CROCC2: variants seen among roughly 807,000 people sequenced by gnomAD.
CROCC2 encodes the protein ciliary rootlet coiled-coil protein 2.
In CROCC2, 163 loss-of-function variants were observed where a neutral mutation model predicts 177.6. The ratio of observed to expected loss-of-function variants is 0.92; its 90% CI spans 0.81 to 1.05. The LOEUF (loss-of-function observed/expected upper bound fraction) is 1.05, where lower values mean the gene tolerates loss of function less well. Among genes scored for constraint, CROCC2 ranks in the 50% least tolerant of loss-of-function variants. The probability of loss-of-function intolerance (pLI) is 0.00; values close to 1 mark genes in which losing one functional copy is unlikely to be tolerated. For missense variants in CROCC2, 1,929 were observed against 1,797.8 expected, an observed-to-expected ratio of 1.07 and a Z score of -1.32; for synonymous variants, 904 against 787.3, an observed-to-expected ratio of 1.15 and a Z score of -2.48.
intron 15 of CROCC2, among the ~76,000 whole-genome samples, chr2:240,947,492 G>A (rs1328675402): frequency 6.6e-6 from 1 of 152,240 alleles, no homozygotes; most frequent in Non-Finnish European, 1.5e-5. Flanking sequence ...AGGGCATCCT[G>A]ATGGCCCATT....
chr2:240,907,056 T>C (rs1170405367), intron 1 of CROCC2, among the ~76,000 whole-genome samples: 1 of 151,996 alleles, frequency 6.6e-6, no homozygotes. Context: ...GGCTGCGCAC[T>C]GGGGTGGGGA....
chr2:240,914,273 C>A (rs953313124), intron 1 of CROCC2, among the ~76,000 whole-genome samples: 1 of 152,212 alleles, frequency 6.6e-6, no homozygotes, highest in African/African-American at 2.4e-5. Flanking sequence ...TTGAGCAAGT[C>A]TCAGAGGTGC....
intron 3 of CROCC2, among the ~76,000 whole-genome samples, chr2:240,921,054 A>G (rs982714078): frequency 1.3e-5 from 2 of 152,210 alleles, no homozygotes; most frequent in African/African-American, 2.4e-5. Context: ...GTGATCACCC[A>G]GGCCACACCA....
At chr2:240,907,304 C>T (rs4366902) in intron 1 of CROCC2, among the ~76,000 whole-genome samples, 60,430 of 151,902 alleles carry the variant, frequency 0.4, 12,883 homozygotes, top group Admixed American at 0.47. Flanking sequence ...TCTCCCCTTG[C>T]CTCCCTACTT....
intron 1 of CROCC2, among the ~76,000 whole-genome samples, chr2:240,916,720 G>T (rs905264737): frequency 6.6e-6 from 1 of 152,214 alleles, no homozygotes; most frequent in Non-Finnish European, 1.5e-5. Context: ...TCCCGTTAGC[G>T]GGTGGCGCCG....
intron 5 of CROCC2, among the ~76,000 whole-genome samples, chr2:240,927,431 T>C (rs2059401951): frequency 6.6e-6 from 1 of 152,192 alleles, no homozygotes; most frequent in Non-Finnish European, 1.5e-5. Context: ...TCTTACGCTG[T>C]CTCCCAGGCA....
chr2:240,916,844 G>T (rs1043912249), intron 1 of CROCC2, among the ~76,000 whole-genome samples: 2 of 152,140 alleles, frequency 1.3e-5, no homozygotes, highest in African/African-American at 4.8e-5. Context: ...TGATCAAGGA[G>T]CCTGGGGTGC....
Position 240,968,282 on chromosome 2 carries a change from G to T in CROCC2, c.4401+20G>T. On this transcript the variant is annotated intron_variant, in intron 27 of 31. Transcript: ENST00000690015. ...CTGCAGGTGGGGCAGGCGGCAGGGT[G>T]GGTCCCAGGTGGGGCACAAGAACAA... is the stretch of plus-strand genomic sequence containing the variant. The T allele has an allele frequency of 6.6e-7, 1 of 1,519,870 alleles. No individual in the cohort carries two copies. Among genetic ancestry groups the T allele is most frequent in the South Asian group, 1.2e-5 (1 of 81,672 alleles). The allele number at this position is 1,519,870 out of a possible 1,614,324, so 94.1% of individuals were successfully genotyped here.
chr2:240,967,588 GGGGGC>G, intron 26 of CROCC2, 123 bp downstream of exon 26: 1 of 1,487,838 alleles, frequency 6.7e-7, no homozygotes, highest in Non-Finnish European at 9.0e-7. Flanking sequence ...AAGGGAGCCT[GGGGGC>G]AACACCCAAA....
intron 6 of CROCC2, 131 bp from the exon 7 acceptor site, chr2:240,930,800 A>G (rs764318219): frequency 5.0e-6 from 3 of 594,694 alleles, no homozygotes; most frequent in Admixed American, 2.9e-5. Context: ...CATGGGAACA[A>G]TCAATGCCAT....
Position 240,949,127 on chromosome 2 carries a change from C to A in CROCC2, c.2482+30C>A, listed in dbSNP as rs2059539137. On this transcript the variant is annotated intron_variant, in intron 16 of 31. Transcript: ENST00000690015. This position sits in a 1 kb window ranked among gnomAD's most constrained non-coding sequence, Gnocchi z 4.5. ...TCCAAGGGCGCTCCCTCAGCTCCTT[C>A]CCCGAAAGTCAGCCATGGAGGGGCC... 6.7e-7 allele frequency: 1 copy of A among 1,496,508 alleles called. No homozygotes were observed. Among genetic ancestry groups the A allele is most frequent in the South Asian group, 1.3e-5 (1 of 74,364 alleles). 92.7% of individuals were successfully genotyped at this position (1,496,508 alleles called of 1,614,324 possible).
intron 14 of CROCC2, among the ~76,000 whole-genome samples, chr2:240,936,276 G>A (rs1457875061): frequency 3.3e-5 from 5 of 152,154 alleles, no homozygotes; most frequent in Admixed American, 6.5e-5. Context: ...GCCGCCACCA[G>A]GATCAAGACA....
At position 240,960,226 on chromosome 2, in the gene CROCC2, C is replaced by G. The variant is rs550791392; in HGVS notation, c.3087+782C>G. Reference sequence around the variant, plus strand: ...CTAGACAAGCTGGGCTCTGCCCACACAGCAGGAGGCGCGGACTTCACTGGG... The same window carrying G: ...CTAGACAAGCTGGGCTCTGCCCACAGAGCAGGAGGCGCGGACTTCACTGGG... On this transcript the variant is annotated intron_variant, in intron 20 of 31. Transcript: ENST00000690015. This position sits in a 1 kb window ranked among gnomAD's most constrained non-coding sequence, Gnocchi z 5.0. 2.0e-5 allele frequency among the ~76,000 whole-genome samples: 3 copies of G among 152,368 alleles called. No homozygotes were observed. The East Asian group carries it at 5.8e-4, about 29-fold the overall frequency.
Position 240,917,417 on chromosome 2 carries a change from G to T in CROCC2, c.79-1309G>T, listed in dbSNP as rs1212375167. 6.6e-6 allele frequency among the ~76,000 whole-genome samples: 1 copy of T among 152,154 alleles called. No individual in the cohort carries two copies. The highest frequency in any genetic ancestry group is 1.9e-4 in the East Asian group (1 of 5,188). On this transcript the variant is annotated intron_variant, in intron 1 of 31. Transcript: ENST00000690015. The surrounding 1 kb of genome is among the most constrained non-coding windows in gnomAD (Gnocchi z 4.9). ...GCCTGGCTGGGGTTGGGAGGAGGGTGGGGGAGCAGGGCACAGCCACCAGCC... is the reference window on the plus strand; with the variant it reads ...GCCTGGCTGGGGTTGGGAGGAGGGTTGGGGAGCAGGGCACAGCCACCAGCC...
At chr2:240,936,721 C>A (rs1278124442) in intron 14 of CROCC2, among the ~76,000 whole-genome samples, 9 of 152,218 alleles carry the variant, frequency 5.9e-5, no homozygotes, top group Admixed American at 5.9e-4. Flanking sequence ...GATGTGAATT[C>A]TCTGCCTGAA....
At chr2:240,961,360 G>A (rs1223058810) in intron 20 of CROCC2, among the ~76,000 whole-genome samples, 3 of 148,842 alleles carry the variant, frequency 2.0e-5, no homozygotes, top group Non-Finnish European at 4.5e-5. Flanking sequence ...CACTCACGCT[G>A]GAATCACATA....
rs1469516789 is a variant in CROCC2, at chr2:240,915,050, C to T, written c.79-3676C>T. On this transcript the variant is annotated intron_variant, in intron 1 of 31. Coordinates refer to ENST00000690015, the MANE Select transcript of CROCC2 (RefSeq NM_001351305.2). ...CCTGCGCCCTCCCTGCAGGCGGAAG[C>T]CTTTTGCAGGCAGTATGGGCTGGCA... is the stretch of plus-strand genomic sequence containing the variant. 5.9e-5 allele frequency among the ~76,000 whole-genome samples: 9 copies of T among 152,300 alleles called. No homozygotes were observed. The East Asian group carries it at 1.7e-3, about 30-fold the overall frequency.
chr2:240,946,026 T>C, intron 14 of CROCC2, 34 bp from the exon 15 acceptor site: 4 of 1,452,716 alleles, frequency 2.8e-6, no homozygotes, highest in Non-Finnish European at 3.7e-6. Flanking sequence ...TTACTCTCTT[T>C]CTCTGCCGAC....
intron 15 of CROCC2, 140 bp downstream of exon 15, chr2:240,946,393 G>A (rs1029426207): frequency 2.2e-6 from 2 of 895,220 alleles, no homozygotes; most frequent in African/African-American, 1.7e-5. Context: ...GGCTGTGAGT[G>A]GAGGCGAGCA....
Sources: allele counts gnomAD v4.1 joint callset (sites outside exome capture counted in the v4.1 genomes callset), GRCh38; gene constraint gnomAD v4.1.1; non-coding constraint Gnocchi (gnomAD v3.1); transcripts MANE v1.5; gene names NCBI Gene and HGNC (gene_info 2026-07-23, HGNC 2026-07-21).